The following SMG5 variants were observed in gnomAD, a reference collection of about 807,000 sequenced individuals.
SMG5 encodes the protein nonsense-mediated mRNA decay factor SMG5.
SMG5 carries 53 observed loss-of-function variants against 122.9 expected under a neutral mutation model. The ratio of observed to expected loss-of-function variants is 0.43; its 90% CI spans 0.35 to 0.54. SMG5 has a LOEUF of 0.54. SMG5 is among the 20% of genes least tolerant of loss of function. SMG5 has a pLI of 0.01. For synonymous variants in SMG5, 477 were observed against 490.2 expected (o/e 0.97, Z 0.35); for missense variants, 1,153 against 1,285.6 (o/e 0.90, Z 1.58).
rs576616095 is a variant in SMG5 at position 156,264,883 on chromosome 1, G to A, written c.1855+898C>T. Among the ~76,000 whole-genome samples, 23 of 152,068 alleles carry A rather than the reference G, an allele frequency of 1.5e-4. No individual in the cohort carries two copies. The East Asian group carries it at 4.3e-3, about 28-fold the overall frequency. ...TCTACTAAAAATACAAAAATTAGCC[G>A]GGCATGGTGGTGCGTGCCTCTAGTC... On this transcript the variant is annotated intron_variant, in intron 12 of 21. Coordinates refer to ENST00000361813, the MANE Select transcript of SMG5 (RefSeq NM_015327.3).
intron 16 of SMG5, among the ~76,000 whole-genome samples, chr1:156,255,772 G>A (rs1392858754): frequency 6.6e-6 from 1 of 151,680 alleles, no homozygotes; most frequent in Non-Finnish European, 1.5e-5. Context: ...GCTTGGTGAT[G>A]CATGCCTGTA....
intron 9 of SMG5, 47 bp from the exon 10 acceptor site, chr1:156,267,725 G>T (rs766942227): frequency 6.7e-7 from 1 of 1,492,816 alleles, no homozygotes; most frequent in South Asian, 1.2e-5. Flanking sequence ...TGGGGGCTGG[G>T]GAAGGAGAAG....
upstream of SMG5, chr1:156,285,831 C>T: frequency 6.2e-7 from 1 of 1,613,606 alleles, no homozygotes; most frequent in Non-Finnish European, 8.5e-7. Context: ...AGGGCTGTGG[C>T]CTCCGTGGGA....
chr1:156,258,900 T>C, intron 16 of SMG5, 105 bp downstream of exon 16: 1 of 1,401,204 alleles, frequency 7.1e-7, no homozygotes, highest in Non-Finnish European at 9.7e-7. Context: ...GGCATCTTAC[T>C]ATGTCCTTCA....
upstream of SMG5, among the ~76,000 whole-genome samples, chr1:156,287,493 T>C (rs557356157): frequency 2.6e-4 from 39 of 152,104 alleles, no homozygotes; most frequent in Non-Finnish European, 4.6e-4. Context: ...TTGAGGGTAC[T>C]GTCCTTCTCT....
chr1:156,268,310 T>C lies in SMG5; in HGVS notation c.819A>G (p.Lys273=), dbSNP rs534962372. The change falls in exon 8 of 22, where the codon AAA becomes AAG. Residue 273 remains lysine, a synonymous_variant. Coordinates refer to ENST00000361813, the MANE Select transcript of SMG5 (RefSeq NM_015327.3). ...YHQLKKCETR[K]LSPGKKRCKD... ...CTCACCGCTTTTTGCCAGGAGACAG[T>C]TTCCGAGTCTCACACTTCTTCAGTT... is the stretch of plus-strand genomic sequence containing the variant. The C allele has an allele frequency of 4.3e-6, 7 of 1,614,168 alleles. No homozygotes were observed. In the African/African-American group the frequency reaches 6.7e-5, roughly 15 times the overall value.
chr1:156,258,119 C>G (rs1366896470), intron 16 of SMG5, among the ~76,000 whole-genome samples: 1 of 152,248 alleles, frequency 6.6e-6, no homozygotes, highest in African/African-American at 2.4e-5. Flanking sequence ...AGAGGTACCA[C>G]AGGCCACTTT....
chr1:156,259,313 G>C, intron 15 of SMG5, 150 bp from the exon 16 acceptor site: 1 of 804,064 alleles, frequency 1.2e-6, no homozygotes, highest in South Asian at 2.2e-5. Flanking sequence ...TGTGGTCTAT[G>C]GGGTGGGAAG....
chr1:156,285,947 C>A (rs766683496), upstream of SMG5: 2 of 1,611,502 alleles, frequency 1.2e-6, no homozygotes, highest in African/African-American at 1.3e-5. Context: ...CTACACACTG[C>A]GCTGCGGGGT....
chr1:156,272,527 T>C, intron 6 of SMG5, 129 bp from the exon 7 acceptor site: 1 of 693,686 alleles, frequency 1.4e-6, no homozygotes, highest in South Asian at 1.6e-5. Context: ...ACTGGTTGTC[T>C]CAGGTGATTA....
At chr1:156,268,874 C>T (rs1234647706) in intron 7 of SMG5, among the ~76,000 whole-genome samples, 2 of 152,196 alleles carry the variant, frequency 1.3e-5, no homozygotes, top group Admixed American at 6.5e-5. Context: ...CTAATATTGT[C>T]CACATTCACA....
chr1:156,264,252 A>G (rs975990455), intron 12 of SMG5, among the ~76,000 whole-genome samples: 4 of 120,866 alleles, frequency 3.3e-5, no homozygotes, highest in South Asian at 3.0e-4. Context: ...TGGGCAACAG[A>G]GCGAGACTCC....
chr1:156,269,899 G>A (rs1403785840), intron 7 of SMG5, among the ~76,000 whole-genome samples: 1 of 151,740 alleles, frequency 6.6e-6, no homozygotes, highest in Non-Finnish European at 1.5e-5. Flanking sequence ...AATTAGCCAG[G>A]CATGGTGGCA....
intron 7 of SMG5, among the ~76,000 whole-genome samples, chr1:156,271,668 G>GGTTCAAGTGATTCTCCTGC (rs3217124): frequency 0.29 from 30,095 of 103,296 alleles, 3,369 homozygotes; most frequent in Admixed American, 0.43. Flanking sequence ...CTGCCTCCTG[G>GGTTCAAGTGATTCTCCTGC]GTTCAAGTGA....
upstream of SMG5, chr1:156,282,900 C>T: frequency 3.7e-6 from 2 of 546,864 alleles, no homozygotes; most frequent in Non-Finnish European, 6.4e-6. Context: ...GCTACCAAAT[C>T]TCGCGAAACT....
rs1662243578 is a variant in SMG5, at chr1:156,268,179, T to C, written c.844A>G (p.Lys282Glu). The C allele has an allele frequency of 1.2e-6, 2 of 1,614,190 alleles. No individual in the cohort carries two copies. The highest frequency in any genetic ancestry group is 1.7e-6 in the Non-Finnish European group (2 of 1,180,026). Residue 282 changes from lysine to glutamate, a missense_variant, in exon 9 of 22, where the codon AAA becomes GAA. Transcript: ENST00000361813. ...TTCACTAGCAACCTTTTAATGTCTT[T>C]ACATCTGAAATGAGAAGAGCCCAAA... ...RKLSPGKKRC[K>E]DIKRLLVNFM...
chr1:156,250,191 CA>C lies in SMG5; in HGVS notation c.*395del. On this transcript the variant is annotated 3_prime_UTR_variant, in exon 22 of 22. Transcript: ENST00000361813. ...CCTAGAGGGTCCAAACTCCTGGCCC[CA>C]ACCACCCTGCATCTTGGGTGAGGAA... is the stretch of plus-strand genomic sequence containing the variant. 2.9e-6 allele frequency: 1 copy of C among 349,928 alleles called. No individual in the cohort carries two copies. The highest frequency in any genetic ancestry group is 4.0e-5 in the Admixed American group (1 of 25,164). The allele number at this position is 349,928 out of a possible 1,614,324, so 21.7% of individuals were successfully genotyped here.
intron 2 of SMG5, 28 bp downstream of exon 2, chr1:156,278,908 G>T: frequency 9.6e-6 from 15 of 1,569,682 alleles, no homozygotes; most frequent in Non-Finnish European, 1.3e-5. Context: ...AAACAGTAAG[G>T]ATCTGTGGTT....
At chr1:156,277,301 T>TC in intron 3 of SMG5, 60 bp from the exon 4 acceptor site, 1 of 1,540,082 alleles carries the variant, frequency 6.5e-7, no homozygotes, top group Non-Finnish European at 8.8e-7. Context: ...GCACTCACCC[T>TC]CCCTTACCCT....
Sources: allele counts gnomAD v4.1 joint callset (sites outside exome capture counted in the v4.1 genomes callset), GRCh38; gene constraint gnomAD v4.1.1; transcripts MANE v1.5; gene names NCBI Gene and HGNC (gene_info 2026-07-23, HGNC 2026-07-21).